Variants in NAXD observed in about 807,000 individuals in gnomAD.
NAXD encodes the protein NAD(P)HX dehydratase, also known as ATP-dependent (S)-NAD(P)H-hydrate dehydratase.
Under a neutral mutation model 35.8 loss-of-function variants are expected in NAXD, and 22 were observed. That is an observed-to-expected ratio of 0.62 (90% CI 0.44 to 0.88). The LOEUF (loss-of-function observed/expected upper bound fraction) is 0.88. NAXD is among the 40% of genes least tolerant of loss of function. The pLI is 0.00. For missense variants in NAXD, 428 were observed against 437.7 expected (o/e 0.98, Z 0.20); for synonymous variants, 189 against 177.6 (o/e 1.06, Z -0.51).
intron 1 of NAXD, among the ~76,000 whole-genome samples, chr13:110,619,231 C>T (rs1433881045): frequency 6.6e-6 from 1 of 152,188 alleles, no homozygotes; most frequent in Non-Finnish European, 1.5e-5. Context: ...TTAAATATTT[C>T]ATACCTCACC....
chr13:110,618,477 G>A (rs192466205), intron 1 of NAXD, among the ~76,000 whole-genome samples: 5 of 152,274 alleles, frequency 3.3e-5, no homozygotes, highest in Admixed American at 1.3e-4. Flanking sequence ...TAAAGGAATA[G>A]CTCAGAACAG....
intron 5 of NAXD, among the ~76,000 whole-genome samples, chr13:110,632,590 G>A (rs1275546532): frequency 3.3e-5 from 5 of 152,052 alleles, no homozygotes; most frequent in African/African-American, 9.7e-5. Flanking sequence ...TAGATACAGA[G>A]TTTCGACACA....
rs1046264620 is a variant in NAXD, at chr13:110,615,547, T to A, written c.-55T>A. On this transcript the variant is annotated 5_prime_UTR_variant, in exon 1 of 10. The change abolishes an upstream ATG in the 5' untranslated region. Transcript: ENST00000680254. Reference sequence around the variant, plus strand: ...TCGGGAAACCGGAAAACGCTTCCAATGGCTGTGTTTCCGGCGACGGCGCGG... The same window carrying A: ...TCGGGAAACCGGAAAACGCTTCCAAAGGCTGTGTTTCCGGCGACGGCGCGG... 3 of 1,335,322 alleles carry A rather than the reference T, an allele frequency of 2.2e-6. No homozygotes were observed. Among genetic ancestry groups the A allele is most frequent in the East Asian group, 6.2e-5 (2 of 32,108 alleles). 82.7% of individuals were successfully genotyped at this position (1,335,322 alleles called of 1,614,324 possible).
Position 110,638,103 on chromosome 13 carries a change from C to T in NAXD, c.840-275C>T. 1.2e-6 allele frequency: 1 copy of T among 866,392 alleles called. No homozygotes were observed. Among genetic ancestry groups the T allele is most frequent in the South Asian group, 1.6e-5 (1 of 60,690 alleles). 53.7% of individuals were successfully genotyped at this position (866,392 alleles called of 1,614,324 possible). ...AAGCAGCTTGTGCCGCCTGGCTTTCCCCGGGAACACCTGGCCCACTGTGTG... is the reference window on the plus strand; with the variant it reads ...AAGCAGCTTGTGCCGCCTGGCTTTCTCCGGGAACACCTGGCCCACTGTGTG... On this transcript the variant is annotated intron_variant, in intron 9 of 9. Transcript: ENST00000680254. This position sits in a 1 kb window ranked among gnomAD's most constrained non-coding sequence, Gnocchi z 5.4.
intron 1 of NAXD, among the ~76,000 whole-genome samples, chr13:110,617,743 T>C (rs1215333922): frequency 6.6e-6 from 1 of 152,204 alleles, no homozygotes; most frequent in Non-Finnish European, 1.5e-5. Context: ...TTTGGTAAAA[T>C]AGTGTCTTGT....
Position 110,634,705 on chromosome 13 carries a change from C to T in NAXD, c.526C>T (p.Leu176Phe). The T allele has an allele frequency of 6.2e-7, 1 of 1,614,164 alleles. No individual in the cohort carries two copies. The highest frequency in any genetic ancestry group is 8.5e-7 in the Non-Finnish European group (1 of 1,180,026). Residue 176 changes from leucine to phenylalanine, a missense_variant, in exon 7 of 10, where the codon CTC becomes TTC. By Grantham distance (22) the Leu-to-Phe change is conservative. Around this residue, in one of 3 missense-constraint regions of NAXD, gnomAD observed 209 missense variants for 214.6 expected, o/e 0.97. Coordinates refer to ENST00000680254, the MANE Select transcript of NAXD (RefSeq NM_001242882.2). The part of the protein sequence containing the change: ...GLWLVAQQPA[L>F]IHGYRKAVLT... ...GTGGCTGGTCGCTCAGCAGCCGGCC[C>T]TCATCCATGGCTACCGGAAGGCTGT... is the stretch of plus-strand genomic sequence containing the variant.
chr13:110,637,352 T>G (rs1174018732), intron 9 of NAXD, 103 bp downstream of exon 9: 7 of 1,350,108 alleles, frequency 5.2e-6, no homozygotes, highest in Middle Eastern at 1.8e-4. Context: ...ACACTGACAA[T>G]GAACTCTAGG....
intron 5 of NAXD, among the ~76,000 whole-genome samples, chr13:110,632,986 G>A (rs1276454720): frequency 1.3e-5 from 2 of 152,236 alleles, no homozygotes; most frequent in Non-Finnish European, 2.9e-5. Flanking sequence ...TCCCGCACCA[G>A]GGCTGCAGGT....
At chr13:110,633,335 G>A (rs927207781) in intron 5 of NAXD, among the ~76,000 whole-genome samples, 4 of 152,170 alleles carry the variant, frequency 2.6e-5, no homozygotes, top group African/African-American at 7.2e-5. Context: ...TGCGGGGCCC[G>A]CCAAGCCCAC....
chr13:110,618,843 GA>G (rs1239772240), intron 1 of NAXD, among the ~76,000 whole-genome samples: 2 of 152,228 alleles, frequency 1.3e-5, no homozygotes, highest in Non-Finnish European at 2.9e-5. Context: ...AAAAAGATCA[GA>G]AAGGTGCTAT....
At chr13:110,636,440 A>G (rs1450866453) in intron 8 of NAXD, among the ~76,000 whole-genome samples, 1 of 152,074 alleles carries the variant, frequency 6.6e-6, no homozygotes, top group Non-Finnish European at 1.5e-5. Context: ...ACTTATACAC[A>G]TGCATGGTCA....
In NAXD at chr13:110,639,048, A is replaced by G; in HGVS notation, c.*520A>G. The G allele has an allele frequency of 3.6e-6, 1 of 274,146 alleles. No homozygotes were observed. The highest frequency in any genetic ancestry group is 3.8e-5 in the South Asian group (1 of 26,564). 17.0% of individuals were successfully genotyped at this position (274,146 alleles called of 1,614,324 possible). The stretch of plus-strand genomic sequence containing the variant: ...CGTTCTCCAGCTCATCTTCTTTTAA[A>G]GTGGTGACTAGCTTGGTGGTATCTG... On this transcript the variant is annotated 3_prime_UTR_variant, in exon 10 of 10. Coordinates refer to ENST00000680254, the MANE Select transcript of NAXD (RefSeq NM_001242882.2).
chr13:110,633,530 C>G (rs1302262459), intron 5 of NAXD, among the ~76,000 whole-genome samples: 1 of 152,232 alleles, frequency 6.6e-6, no homozygotes, highest in Non-Finnish European at 1.5e-5. Context: ...AGTGGGAGCC[C>G]AGGCAGAGGA....
intron 1 of NAXD, among the ~76,000 whole-genome samples, chr13:110,620,969 G>A (rs1391810332): frequency 1.3e-5 from 2 of 152,150 alleles, no homozygotes; most frequent in African/African-American, 4.8e-5. Flanking sequence ...TCTCATAGCC[G>A]AGCTGTTTTA....
intron 9 of NAXD, among the ~76,000 whole-genome samples, chr13:110,637,526 C>T (rs192451585): frequency 1.2e-4 from 18 of 152,282 alleles, no homozygotes; most frequent in East Asian, 9.6e-4. Context: ...CCCAGCAGCA[C>T]GCTGTTCTGG....
rs761999230 is a variant in NAXD, at chr13:110,619,371, CCTTTT to C, written c.47-2841_47-2837del. ...TATTATCTGGTGGAACCATTTTATTCCTTTTCTTATTGTGAGAAATACACATTTAT... is the reference window on the plus strand; with the variant it reads ...TATTATCTGGTGGAACCATTTTATTCCTTATTGTGAGAAATACACATTTAT... On this transcript the variant is annotated intron_variant, in intron 1 of 9. Transcript: ENST00000680254. 5.3e-5 allele frequency among the ~76,000 whole-genome samples: 8 copies of C among 152,120 alleles called. No individual in the cohort carries two copies. The South Asian group carries it at 1.7e-3, about 32-fold the overall frequency.
intron 1 of NAXD, chr13:110,615,997 G>GC (rs1050006726): frequency 2.5e-6 from 1 of 397,588 alleles, no homozygotes; most frequent in Non-Finnish European, 4.4e-6. Context: ...GAGCCAGTGC[G>GC]CGTCCCAGGA....
At position 110,635,481 on chromosome 13, in the gene NAXD, T is replaced by C; in HGVS notation, c.611T>C (p.Met204Thr). 1.2e-6 allele frequency: 2 copies of C among 1,614,086 alleles called. No individual in the cohort carries two copies. The highest frequency in any genetic ancestry group is 1.1e-5 in the South Asian group (1 of 91,088). Reference protein sequence around the residue: ...RLYDAVLRGPMDSDDSHGSVL... With the variant: ...RLYDAVLRGPTDSDDSHGSVL... ...GTGTTGTCATAGCTCAGAGGCCCTA[T>C]GGACAGCGATGACAGCCATGGATCT... Residue 204 changes from methionine to threonine, a missense_variant, in exon 8 of 10, where the codon ATG becomes ACG. Met to Thr is a moderately conservative substitution (Grantham distance 81, BLOSUM62 -1). Coordinates refer to ENST00000680254, the MANE Select transcript of NAXD (RefSeq NM_001242882.2).
chr13:110,635,164 G>C lies in NAXD; in HGVS notation c.598-304G>C, dbSNP rs550232289. On this transcript the variant is annotated intron_variant, in intron 7 of 9. Transcript: ENST00000680254. ...AGTGTCCCATCAATGTTAGTGCCCAGTACGACTGGAATTTGTATTACTCCT... is the reference window on the plus strand; with the variant it reads ...AGTGTCCCATCAATGTTAGTGCCCACTACGACTGGAATTTGTATTACTCCT... Among the ~76,000 whole-genome samples, 11 of 152,308 alleles carry C rather than the reference G, an allele frequency of 7.2e-5. No homozygotes were observed. The South Asian group carries it at 1.0e-3, about 14-fold the overall frequency.
Sources: allele counts gnomAD v4.1 joint callset (sites outside exome capture counted in the v4.1 genomes callset), GRCh38; gene constraint gnomAD v4.1.1; regional missense constraint gnomAD v4.1.1; non-coding constraint Gnocchi (gnomAD v3.1); transcripts MANE v1.5; gene names NCBI Gene and HGNC (gene_info 2026-07-23, HGNC 2026-07-21).